AXDND1: variants seen among roughly 807,000 people sequenced by gnomAD.
AXDND1 encodes axonemal dynein light chain domain-containing protein 1.
A neutral mutation model predicts 137.5 loss-of-function variants in AXDND1; 110 were observed. The ratio of observed to expected loss-of-function variants is 0.80; its 90% CI spans 0.69 to 0.94. The LOEUF (loss-of-function observed/expected upper bound fraction) is 0.94, where lower values mean the gene tolerates loss of function less well. Among genes scored for constraint, AXDND1 ranks in the 40% least tolerant of loss-of-function variants. AXDND1 has a pLI of 0.00. For missense variants in AXDND1, 1,191 were observed against 1,169.8 expected (o/e 1.02, Z -0.26); for synonymous variants, 414 against 399.7 (o/e 1.04, Z -0.43).
At chr1:179,546,249 A>G (rs1672630782) in intron 25 of AXDND1, 2 of 151,692 alleles carry the variant, frequency 1.3e-5, no homozygotes, top group African/African-American at 4.9e-5. Context: ...CTAAGATGGG[A>G]CACACTATGG....
At chr1:179,509,242 G>T (rs1668801077) in intron 20 of AXDND1, 54 bp from the exon 21 acceptor site, 2 of 1,099,542 alleles carry the variant, frequency 1.8e-6, no homozygotes, top group East Asian at 2.4e-5. Context: ...CTCAATAGCG[G>T]TGAGTGAATA....
At chr1:179,552,576 G>A (rs369430623) in intron 25 of AXDND1, 34 of 1,597,144 alleles carry the variant, frequency 2.1e-5, no homozygotes, top group Middle Eastern at 1.7e-4. Flanking sequence ...CTAAAGGGCA[G>A]TCTGGGTGGG....
At chr1:179,488,049 A>AG (rs1179605825) in intron 18 of AXDND1, among the ~76,000 whole-genome samples, 1 of 34,836 alleles carries the variant, frequency 2.9e-5, no homozygotes, top group Admixed American at 3.5e-4. Flanking sequence ...AGTTATGCAA[A>AG]GGTTTTTTTT....
chr1:179,443,059 A>T (rs1659232568), intron 15 of AXDND1, among the ~76,000 whole-genome samples: 1 of 152,192 alleles, frequency 6.6e-6, no homozygotes, highest in Non-Finnish European at 1.5e-5. Flanking sequence ...GTGAGACTGC[A>T]TCCTTTGAAC....
intron 2 of AXDND1, 49 bp from the exon 3 acceptor site, chr1:179,368,751 A>C (rs1299595585): frequency 6.8e-7 from 1 of 1,475,562 alleles, no homozygotes; most frequent in Non-Finnish European, 9.2e-7. Context: ...GCTCCATCTA[A>C]CTTAAAAAAA....
Position 179,483,127 on chromosome 1 carries a change from G to C in AXDND1, c.1998-1G>C, listed in dbSNP as rs1027119504. 1.3e-6 allele frequency: 2 copies of C among 1,573,882 alleles called. No individual in the cohort carries two copies. Among genetic ancestry groups the C allele is most frequent in the African/African-American group, 1.4e-5 (1 of 73,190 alleles). On this transcript the variant is annotated splice_acceptor_variant, in intron 17 of 25. Coordinates refer to ENST00000367618, the MANE Select transcript of AXDND1 (RefSeq NM_144696.6). LOFTEE classifies it high-confidence loss of function. ...TTTATTTTACTTGATTTTTCCTTCA[G>C]GGTACTCCAAGCGTATATATTTAAC...
intron 22 of AXDND1, among the ~76,000 whole-genome samples, chr1:179,525,732 G>A (rs371033942): frequency 6.6e-6 from 1 of 151,950 alleles, no homozygotes; most frequent in South Asian, 2.1e-4. Context: ...GGTCTCAAGC[G>A]ATCCTCTTAC....
Position 179,406,571 on chromosome 1 carries a change from C to T in AXDND1, c.1110-4575C>T, listed in dbSNP as rs141304883. Among the ~76,000 whole-genome samples the T allele has an allele frequency of 3.3e-3, 501 of 152,160 alleles. 4 individuals are homozygous for T. Among genetic ancestry groups the T allele is most frequent in the African/African-American group, 0.012 (478 of 41,536 alleles). ...GCATATATATTTAGAGTTGTTATATCCTTTTCCTGAATTGATCCCTTTATC... is the reference window on the plus strand; with the variant it reads ...GCATATATATTTAGAGTTGTTATATTCTTTTCCTGAATTGATCCCTTTATC... On this transcript the variant is annotated intron_variant, in intron 11 of 25. Transcript: ENST00000367618.
At chr1:179,444,685 A>C (rs1359416975) in intron 15 of AXDND1, among the ~76,000 whole-genome samples, 1 of 133,386 alleles carries the variant, frequency 7.5e-6, no homozygotes, top group Non-Finnish European at 1.6e-5. Context: ...TGTAGGACTT[A>C]ATTGCTTATC....
intron 20 of AXDND1, among the ~76,000 whole-genome samples, chr1:179,508,386 T>C (rs1278771156): frequency 6.6e-6 from 1 of 151,862 alleles, no homozygotes; most frequent in Non-Finnish European, 1.5e-5. Context: ...ATATTACTGC[T>C]CATTGTGGTT....
At chr1:179,515,367 A>G (rs61827668) in intron 21 of AXDND1, among the ~76,000 whole-genome samples, 30,150 of 151,912 alleles carry the variant, frequency 0.2, 3,160 homozygotes, top group Non-Finnish European at 0.23. Context: ...CTTGGCTGAT[A>G]ATTGTTTTGT....
chr1:179,448,632 GCTCCGCACT>G, intron 16 of AXDND1: 1 of 245,134 alleles, frequency 4.1e-6, no homozygotes, highest in South Asian at 5.0e-5. Flanking sequence ...CGCCGCCAGC[GCTCCGCACT>G]GCCTGGAGCC....
intron 12 of AXDND1, among the ~76,000 whole-genome samples, chr1:179,412,814 A>G (rs1389479158): frequency 6.6e-6 from 1 of 152,188 alleles, no homozygotes; most frequent in African/African-American, 2.4e-5. Flanking sequence ...AAAAATTCCC[A>G]GTATATTGTT....
chr1:179,482,097 AATTTTTTT>A (rs1665468911), intron 17 of AXDND1, among the ~76,000 whole-genome samples: 2 of 70,538 alleles, frequency 2.8e-5, no homozygotes, highest in African/African-American at 1.1e-4. Flanking sequence ...GGAGCTTTTT[AATTTTTTT>A]TTTTTTTTTT....
At position 179,411,245 on chromosome 1, in the gene AXDND1, C is replaced by A. The variant is rs760885465; in HGVS notation, c.1209C>A (p.Ala403=). 6 of 1,611,166 alleles carry A rather than the reference C, an allele frequency of 3.7e-6. No homozygotes were observed. The East Asian group carries it at 1.3e-4, about 36-fold the overall frequency. The stretch of plus-strand genomic sequence containing the variant: ...CAGAAAGAGATATCTGGAGCTCAGC[C>A]ACATATGAATTGGCCCTGAAGGTTA... The part of the protein sequence containing the change: ...LVAERDIWSS[A]TYELALKVIE... Residue 403 remains alanine, a synonymous_variant, in exon 12 of 26, where the codon GCC becomes GCA. Coordinates refer to ENST00000367618, the MANE Select transcript of AXDND1 (RefSeq NM_144696.6).
At chr1:179,394,820 G>A (rs148919454) in intron 10 of AXDND1, among the ~76,000 whole-genome samples, 71 of 152,234 alleles carry the variant, frequency 4.7e-4, no homozygotes, top group African/African-American at 1.5e-3. Context: ...CCAGCATGGC[G>A]GCCTTGCATG....
intron 25 of AXDND1, 100 bp downstream of exon 25, chr1:179,535,062 C>T: frequency 1.3e-6 from 2 of 1,533,086 alleles, no homozygotes; most frequent in Non-Finnish European, 1.8e-6. Flanking sequence ...ATATTTGGTG[C>T]TAATCTACTA....
At chr1:179,430,398 T>G (rs1657191305) in intron 13 of AXDND1, 54 bp from the exon 14 acceptor site, 1 of 1,332,258 alleles carries the variant, frequency 7.5e-7, no homozygotes, top group Non-Finnish European at 1.0e-6. Flanking sequence ...TGTTAATGAC[T>G]ATTTGTTATA....
chr1:179,474,696 A>G (rs1434982661), intron 17 of AXDND1, among the ~76,000 whole-genome samples: 1 of 152,198 alleles, frequency 6.6e-6, no homozygotes, highest in Non-Finnish European at 1.5e-5. Context: ...AGAGCATAAA[A>G]GTTTGGAAAA....
Sources: allele counts gnomAD v4.1 joint callset (sites outside exome capture counted in the v4.1 genomes callset), GRCh38; gene constraint gnomAD v4.1.1; transcripts MANE v1.5; gene names NCBI Gene and HGNC (gene_info 2026-07-23, HGNC 2026-07-21).